Variants in CALCR observed in about 807,000 individuals in gnomAD.
CALCR encodes calcitonin receptor.
Under a neutral mutation model 59.5 loss-of-function variants are expected in CALCR, and 47 were observed. The ratio of observed to expected loss-of-function variants is 0.79; its 90% confidence interval spans 0.63 to 1.01. CALCR has a LOEUF of 1.01. CALCR is among the 50% of genes least tolerant of loss of function. CALCR has a pLI of 0.00. For synonymous variants in CALCR, 213 were observed against 211.3 expected (o/e 1.01, Z -0.07); for missense variants, 566 against 597.1 (o/e 0.95, Z 0.54).
At chr7:93,528,733 C>T (rs907581503) in intron 2 of CALCR, among the ~76,000 whole-genome samples, 1 of 152,076 alleles carries the variant, frequency 6.6e-6, no homozygotes, top group African/African-American at 2.4e-5. Flanking sequence ...AAGTTAAACA[C>T]TAAAGAAAGG....
rs775164530 is a variant in CALCR at position 93,477,650 on chromosome 7, G to T, written c.224C>A (p.Thr75Asn). The T allele has an allele frequency of 2.5e-6, 4 of 1,610,062 alleles. No homozygotes were observed. The highest frequency in any genetic ancestry group is 2.5e-6 in the Non-Finnish European group (3 of 1,177,388). ...YQGEGPYCNR[T>N]WDGWLCWDDT... Reference sequence around the variant, plus strand: ...ATCCCAGCACAGCCATCCATCCCAGGTGCGATTGCAATATGGACCTGGCCA... The same window carrying T: ...ATCCCAGCACAGCCATCCATCCCAGTTGCGATTGCAATATGGACCTGGCCA... The change falls in exon 5 of 14, where the codon ACC (threonine) becomes AAC (asparagine). Residue 75 changes from threonine (T) to asparagine (N), a missense_variant. Physicochemically the swap from Thr to Asn is moderately conservative, Grantham distance 65. Coordinates refer to ENST00000426151, the MANE Select transcript of CALCR (RefSeq NM_001742.4).
At chr7:93,516,747 TC>T (rs1173996688) in intron 2 of CALCR, among the ~76,000 whole-genome samples, 1 of 151,814 alleles carries the variant, frequency 6.6e-6, no homozygotes, top group Non-Finnish European at 1.5e-5. Context: ...CTACTTATTT[TC>T]CAAAATGATC....
At chr7:93,496,646 T>C (rs1801209970) in intron 2 of CALCR, among the ~76,000 whole-genome samples, 1 of 151,536 alleles carries the variant, frequency 6.6e-6, no homozygotes, top group African/African-American at 2.4e-5. Flanking sequence ...CAAGAACATT[T>C]CCACCAATAT....
At chr7:93,470,948 C>G (rs1218652980) in intron 6 of CALCR, among the ~76,000 whole-genome samples, 1 of 138,478 alleles carries the variant, frequency 7.2e-6, no homozygotes, top group African/African-American at 2.7e-5. Flanking sequence ...ACAACAGTCC[C>G]CAGAGTGTGA....
intron 2 of CALCR, among the ~76,000 whole-genome samples, chr7:93,502,443 T>C (rs112846803): frequency 3.3e-3 from 497 of 152,254 alleles, no homozygotes; most frequent in Non-Finnish European, 5.6e-3. Context: ...AATAATGAAG[T>C]TTGAAAATAA....
intron 7 of CALCR, among the ~76,000 whole-genome samples, chr7:93,465,110 G>C (rs1418361333): frequency 6.6e-6 from 1 of 151,886 alleles, no homozygotes; most frequent in African/African-American, 2.4e-5. Flanking sequence ...CAATCAGAAA[G>C]ACATGGATAA....
chr7:93,563,606 G>T (rs1789795770), intron 2 of CALCR, among the ~76,000 whole-genome samples: 1 of 152,196 alleles, frequency 6.6e-6, no homozygotes, highest in Non-Finnish European at 1.5e-5. Context: ...CATGACAGCT[G>T]TAGAGGTTAA....
intron 2 of CALCR, among the ~76,000 whole-genome samples, chr7:93,516,438 A>G (rs149768662): frequency 6.6e-6 from 1 of 152,068 alleles, no homozygotes; most frequent in Non-Finnish European, 1.5e-5. Context: ...TGGGGCTAGT[A>G]TCATTACACC....
At chr7:93,471,679 G>C (rs9886039) in intron 6 of CALCR, among the ~76,000 whole-genome samples, 3,119 of 151,820 alleles carry the variant, frequency 0.021, 102 homozygotes, top group African/African-American at 0.071. Context: ...GTAACTCCTT[G>C]TTCTGTAGGG....
At chr7:93,540,313 C>A (rs1172066437) in intron 2 of CALCR, among the ~76,000 whole-genome samples, 1 of 152,090 alleles carries the variant, frequency 6.6e-6, no homozygotes, top group Admixed American at 6.6e-5. Context: ...ATACATTGGC[C>A]CATTTGAATA....
At chr7:93,500,731 T>C (rs1163464995) in intron 2 of CALCR, among the ~76,000 whole-genome samples, 2 of 151,984 alleles carry the variant, frequency 1.3e-5, no homozygotes, top group Non-Finnish European at 2.9e-5. Flanking sequence ...CAGAGAAAGC[T>C]TGAATGGGAG....
chr7:93,436,666 T>G (rs1374658156), intron 11 of CALCR, among the ~76,000 whole-genome samples: 1 of 152,196 alleles, frequency 6.6e-6, no homozygotes, highest in Non-Finnish European at 1.5e-5. Context: ...AAGTGCCTTT[T>G]GTATCCTGCT....
intron 13 of CALCR, among the ~76,000 whole-genome samples, chr7:93,431,791 CTATTT>C (rs1799663213): frequency 6.6e-6 from 1 of 152,116 alleles, no homozygotes; most frequent in Non-Finnish European, 1.5e-5. Context: ...CTTCTATAAA[CTATTT>C]TATCCACGAT....
At chr7:93,455,565 C>G (rs1189206303) in intron 8 of CALCR, among the ~76,000 whole-genome samples, 1 of 151,972 alleles carries the variant, frequency 6.6e-6, no homozygotes, top group African/African-American at 2.4e-5. Flanking sequence ...TATGATTCTT[C>G]ATGTGACTTA....
intron 13 of CALCR, 22 bp from the exon 14 acceptor site, chr7:93,426,611 T>G: frequency 3.3e-6 from 4 of 1,215,060 alleles, no homozygotes; most frequent in Admixed American, 2.0e-5. Context: ...AAAGGAGCCT[T>G]GTTTTTATAT....
At chr7:93,440,997 G>T (rs9640614) in intron 9 of CALCR, among the ~76,000 whole-genome samples, 17,123 of 152,116 alleles carry the variant, frequency 0.11, 1,444 homozygotes, top group East Asian at 0.46. Flanking sequence ...TGATACAGCT[G>T]AGCAGCTTGT....
chr7:93,470,445 C>G (rs1433152129), intron 6 of CALCR, among the ~76,000 whole-genome samples: 1 of 151,684 alleles, frequency 6.6e-6, no homozygotes, highest in African/African-American at 2.4e-5. Context: ...ATCTGCACCC[C>G]CTCTTCTGTC....
chr7:93,508,987 C>T (rs1223505363), intron 2 of CALCR, among the ~76,000 whole-genome samples: 1 of 152,108 alleles, frequency 6.6e-6, no homozygotes, highest in Non-Finnish European at 1.5e-5. Context: ...AACTAAATTA[C>T]CTAGCTATTC....
At position 93,505,905 on chromosome 7, in the gene CALCR, ACT is replaced by A. The variant is rs554015497; in HGVS notation, c.-26-18900_-26-18899del. On this transcript the variant is annotated intron_variant, in intron 2 of 13. Coordinates refer to ENST00000426151, the MANE Select transcript of CALCR (RefSeq NM_001742.4). The stretch of plus-strand genomic sequence containing the variant: ...GTAACAAGGTGCCAGCTAGGCAAAG[ACT>A]CTATTTGCATAATAAGATTAGGGGC... Among the ~76,000 whole-genome samples, 397 of 152,096 alleles carry A rather than the reference ACT, an allele frequency of 2.6e-3. 1 individual carries two copies. The highest frequency in any genetic ancestry group is 9.1e-3 in the African/African-American group (378 of 41,472).
Sources: gnomAD v4.1 joint callset for allele counts (sites outside exome capture counted in the v4.1 genomes callset) on GRCh38, gnomAD v4.1.1 for gene constraint, MANE v1.5 for transcripts, NCBI Gene and HGNC (gene_info 2026-07-23, HGNC 2026-07-21) for gene names.